The following FGD4 variants were observed in gnomAD, a reference collection of about 807,000 sequenced individuals.
FGD4 encodes the protein FYVE, RhoGEF and PH domain containing 4, also known as FYVE, RhoGEF and PH domain-containing protein 4.
A neutral mutation model predicts 102.0 loss-of-function variants in FGD4; 42 were observed. The ratio of observed to expected loss-of-function variants is 0.41; its 90% CI spans 0.32 to 0.53. FGD4 has a LOEUF of 0.53. FGD4 is among the 20% of genes least tolerant of loss of function. The pLI, the probability that FGD4 is intolerant of heterozygous loss-of-function variation, is 0.21. For synonymous variants in FGD4, 380 were observed against 375.7 expected (o/e 1.01, Z -0.13); for missense variants, 902 against 1,078.2 (o/e 0.84, Z 2.29).
chr12:32,462,368 C>G (rs1365966608), intron 1 of FGD4, among the ~76,000 whole-genome samples: 1 of 152,022 alleles, frequency 6.6e-6, no homozygotes, highest in Non-Finnish European at 1.5e-5. Context: ...ATCATGTTGG[C>G]CAGACTGGCC....
chr12:32,512,596 A>G (rs1939492811), intron 1 of FGD4, among the ~76,000 whole-genome samples: 4 of 152,146 alleles, frequency 2.6e-5, no homozygotes, highest in Non-Finnish European at 4.4e-5. Flanking sequence ...TTGTCAGGGT[A>G]GTGGTTTCAT....
chr12:32,614,985 G>T (rs1385219364), intron 10 of FGD4, among the ~76,000 whole-genome samples: 1 of 152,146 alleles, frequency 6.6e-6, no homozygotes, highest in East Asian at 1.9e-4. Flanking sequence ...TATAACTCAA[G>T]AAAATTGAAA....
intron 5 of FGD4, among the ~76,000 whole-genome samples, chr12:32,599,840 G>T (rs768498487): frequency 6.6e-6 from 1 of 151,842 alleles, no homozygotes; most frequent in Non-Finnish European, 1.5e-5. Context: ...GAGCCACCAC[G>T]CCTGGACCCT....
At chr12:32,545,659 T>C (rs1943174173) in intron 1 of FGD4, among the ~76,000 whole-genome samples, 1 of 152,238 alleles carries the variant, frequency 6.6e-6, no homozygotes, top group South Asian at 2.1e-4. Context: ...AATCTTCCCA[T>C]TGGAAAGTTG....
chr12:32,595,045 A>C (rs1056093011), intron 4 of FGD4, among the ~76,000 whole-genome samples: 2 of 149,952 alleles, frequency 1.3e-5, no homozygotes, highest in Non-Finnish European at 2.9e-5. Context: ...AAAAAAAAAA[A>C]ACAACACAGC....
intron 1 of FGD4, among the ~76,000 whole-genome samples, chr12:32,446,844 G>A (rs936823197): frequency 2.6e-5 from 4 of 152,142 alleles, no homozygotes; most frequent in Non-Finnish European, 4.4e-5. Flanking sequence ...GGAACAGCGC[G>A]TACAGGAAGT....
intron 1 of FGD4, among the ~76,000 whole-genome samples, chr12:32,404,998 A>T (rs1039418409): frequency 6.6e-6 from 1 of 152,180 alleles, no homozygotes; most frequent in Non-Finnish European, 1.5e-5. Flanking sequence ...CAGTGGCGCA[A>T]TCTCGGCTCA....
intron 1 of FGD4, among the ~76,000 whole-genome samples, chr12:32,562,235 G>C (rs1944662548): frequency 6.6e-6 from 1 of 152,152 alleles, no homozygotes; most frequent in South Asian, 2.1e-4. Context: ...GCAAGGAGAG[G>C]AGGCCTGTGT....
chr12:32,638,925 A>ATGAGTAAAGTTCAAGTTTGT, intron 16 of FGD4, 130 bp downstream of exon 16: 3 of 1,521,574 alleles, frequency 2.0e-6, no homozygotes, highest in Non-Finnish European at 2.6e-6. Flanking sequence ...TTGAAAAATA[A>ATGAGTAAAGTTCAAGTTTGT]TGAGTAAAGT....
At chr12:32,624,940 CTT>C (rs768041485) in intron 12 of FGD4, 34 bp from the exon 13 acceptor site, 1 of 1,554,592 alleles carries the variant, frequency 6.4e-7, no homozygotes. Context: ...ATATGAGAAA[CTT>C]TAATGTGTGC....
At chr12:32,499,125 G>A (rs530840706) in intron 1 of FGD4, among the ~76,000 whole-genome samples, 7 of 152,352 alleles carry the variant, frequency 4.6e-5, no homozygotes, top group African/African-American at 1.7e-4. Context: ...ACATTCCCAA[G>A]GTTATTCCAT....
chr12:32,620,976 A>G (rs1949807027), intron 11 of FGD4, among the ~76,000 whole-genome samples: 1 of 151,956 alleles, frequency 6.6e-6, no homozygotes, highest in African/African-American at 2.4e-5. Flanking sequence ...AACCATTTTT[A>G]AAGGATAAAA....
intron 1 of FGD4, among the ~76,000 whole-genome samples, chr12:32,430,208 T>A (rs1434007894): frequency 6.6e-6 from 1 of 151,934 alleles, no homozygotes; most frequent in Non-Finnish European, 1.5e-5. Flanking sequence ...CTTGGGAGAC[T>A]GAGGCAGGAG....
At chr12:32,565,646 C>T (rs1157165799) in intron 2 of FGD4, among the ~76,000 whole-genome samples, 2 of 152,126 alleles carry the variant, frequency 1.3e-5, no homozygotes, top group African/African-American at 2.4e-5. Flanking sequence ...TGTTTTCCAA[C>T]GTCAGTGTAT....
chr12:32,599,534 CTTTTTTTTTTTTTT>C (rs764106230), intron 5 of FGD4, among the ~76,000 whole-genome samples: 5 of 35,352 alleles, frequency 1.4e-4, no homozygotes, highest in South Asian at 1.9e-3. Context: ...ACTAAGGCAT[CTTTTTTTTTTTTTT>C]TTTTTTTTTT....
intron 12 of FGD4, 138 bp downstream of exon 12, chr12:32,624,590 C>G: frequency 4.0e-6 from 3 of 752,396 alleles, no homozygotes; most frequent in Non-Finnish European, 6.9e-6. Flanking sequence ...TGCATCTCAG[C>G]CTCTTGAGTA....
chr12:32,603,080 C>G (rs191031275), intron 7 of FGD4, among the ~76,000 whole-genome samples: 1 of 152,286 alleles, frequency 6.6e-6, no homozygotes, highest in East Asian at 1.9e-4. Flanking sequence ...TCCAATATAG[C>G]TCTGTTCCCT....
At chr12:32,406,496 G>A (rs1462583613) in intron 1 of FGD4, among the ~76,000 whole-genome samples, 2 of 151,740 alleles carry the variant, frequency 1.3e-5, no homozygotes, top group Non-Finnish European at 2.9e-5. Context: ...AGAGTTTGCA[G>A]TGAGCTGAGA....
rs180893806 is a variant in FGD4 at position 32,596,945 on chromosome 12, A to C, written c.1012-1552A>C. Among the ~76,000 whole-genome samples, 372 of 152,200 alleles carry C rather than the reference A, an allele frequency of 2.4e-3. 1 individual carries two copies. The highest frequency in any genetic ancestry group is 8.0e-3 in the African/African-American group (334 of 41,514). On this transcript the variant is annotated intron_variant, in intron 4 of 16. Coordinates refer to ENST00000534526, the MANE Select transcript of FGD4 (RefSeq NM_001370298.3). ...AGCAAAACTCTGTCTTAAAAAAAAA[A>C]AAAACAAAAAGAGAAGTACATGGAA...
Sources: gnomAD v4.1 joint callset for allele counts (sites outside exome capture counted in the v4.1 genomes callset) on GRCh38, gnomAD v4.1.1 for gene constraint, MANE v1.5 for transcripts, NCBI Gene and HGNC (gene_info 2026-07-23, HGNC 2026-07-21) for gene names.